The following DENND5B variants were observed in gnomAD, a reference collection of about 807,000 sequenced individuals.
DENND5B encodes the protein DENN domain containing 5B.
DENND5B carries 34 observed loss-of-function variants against 140.6 expected under a neutral mutation model. That is an observed-to-expected ratio of 0.24 (90% confidence interval 0.18 to 0.32). The LOEUF (loss-of-function observed/expected upper bound fraction) is 0.32. DENND5B is among the 10% of genes least tolerant of loss of function. DENND5B has a pLI of 1.00. For missense variants in DENND5B, 1,142 were observed against 1,560.2 expected (o/e 0.73, Z 4.52); for synonymous variants, 551 against 562.1 (o/e 0.98, Z 0.28).
At position 31,389,391 on chromosome 12, in the gene DENND5B, T is replaced by G; in HGVS notation, c.3574A>C (p.Ile1192Leu). 6.2e-7 allele frequency: 1 copy of G among 1,613,582 alleles called. No homozygotes were observed. Among genetic ancestry groups the G allele is most frequent in the Non-Finnish European group, 8.5e-7 (1 of 1,179,758 alleles). ...CKTFCHYVNAINTAPRNIGKD... is the reference protein window; with the variant it reads ...CKTFCHYVNALNTAPRNIGKD... ...CCAATGTTCCTGGGTGCAGTATTAA[T>G]AGCATTTACGTAGTGGCAGAAGGTT... is the stretch of plus-strand genomic sequence containing the variant. The change falls in exon 20 of 21, where the codon ATT (isoleucine) becomes CTT (leucine). Residue 1192 changes from isoleucine (I) to leucine (L), a missense_variant. By Grantham distance (5) the Ile-to-Leu change is conservative. Transcript: ENST00000389082.
chr12:31,582,130 G>T (rs1160775864), intron 1 of DENND5B, among the ~76,000 whole-genome samples: 1 of 152,186 alleles, frequency 6.6e-6, no homozygotes, highest in African/African-American at 2.4e-5. Context: ...CACATGGAGG[G>T]CTGACTATAC....
At chr12:31,424,764 G>T in intron 9 of DENND5B, 77 bp from the exon 10 acceptor site, 2 of 1,545,884 alleles carry the variant, frequency 1.3e-6, no homozygotes, top group Admixed American at 3.9e-5. Context: ...TAAAGTAGGA[G>T]ACTTGGTTTC....
At chr12:31,563,016 A>C (rs1278716351) in intron 1 of DENND5B, among the ~76,000 whole-genome samples, 2 of 151,788 alleles carry the variant, frequency 1.3e-5, no homozygotes, top group Non-Finnish European at 2.9e-5. Context: ...AACTGCACCT[A>C]GCTTGGTGAG....
chr12:31,389,432 T>G lies in DENND5B; in HGVS notation c.3533A>C (p.Gln1178Pro). The change falls in exon 20 of 21, where the codon CAG becomes CCG. Residue 1178 changes from glutamine to proline, a missense_variant. Coordinates refer to ENST00000389082, the MANE Select transcript of DENND5B (RefSeq NM_144973.4). ...GCAGAAGGTTTTGCAGGATGATTTC[T>G]GAATAAGGACATCATCTTCATTATC... ...ILDNEDDVLIQKSSCKTFCHY... is the reference protein window; with the variant it reads ...ILDNEDDVLIPKSSCKTFCHY... The G allele has an allele frequency of 1.9e-6, 3 of 1,609,072 alleles. No homozygotes were observed. Among genetic ancestry groups the G allele is most frequent in the Non-Finnish European group, 2.5e-6 (3 of 1,177,506 alleles).
chr12:31,573,181 A>G (rs903337927), intron 1 of DENND5B, among the ~76,000 whole-genome samples: 3 of 152,234 alleles, frequency 2.0e-5, no homozygotes, highest in Admixed American at 2.0e-4. Context: ...TAGTTCAGAG[A>G]TATTAAAAAA....
At position 31,552,199 on chromosome 12, in the gene DENND5B, G is replaced by GT. The variant is rs774982783; in HGVS notation, c.127+38506dup. On this transcript the variant is annotated intron_variant, in intron 1 of 20. Coordinates refer to ENST00000389082, the MANE Select transcript of DENND5B (RefSeq NM_144973.4). ...CCATTCAGTATGATATTGGCTGTGGGTTGTCATAGATAGCTCTTATTATTT... is the reference window on the plus strand; with the variant it reads ...CCATTCAGTATGATATTGGCTGTGGGTTTGTCATAGATAGCTCTTATTATTT... 3.2e-3 allele frequency among the ~76,000 whole-genome samples: 491 copies of GT among 152,208 alleles called. 5 individuals are homozygous for GT. The highest frequency in any genetic ancestry group is 0.011 in the African/African-American group (459 of 41,538).
At chr12:31,539,187 A>G (rs948279300) in intron 1 of DENND5B, among the ~76,000 whole-genome samples, 3 of 152,172 alleles carry the variant, frequency 2.0e-5, no homozygotes, top group Non-Finnish European at 2.9e-5. Flanking sequence ...TGAACCATGA[A>G]GAAATCCAAA....
At chr12:31,474,882 ATTAC>A (rs2138468310) in intron 3 of DENND5B, among the ~76,000 whole-genome samples, 1 of 152,358 alleles carries the variant, frequency 6.6e-6, no homozygotes, top group East Asian at 1.9e-4. Context: ...ATACTCTACA[ATTAC>A]TTCGCATGAC....
chr12:31,443,440 A>G, intron 6 of DENND5B, among the ~76,000 whole-genome samples: 1 of 151,944 alleles, frequency 6.6e-6, no homozygotes, highest in East Asian at 1.9e-4. Context: ...AGTTAACTTT[A>G]AGTAAATATT....
intron 14 of DENND5B, among the ~76,000 whole-genome samples, chr12:31,408,376 C>T (rs1368803840): frequency 1.3e-5 from 2 of 149,534 alleles, no homozygotes; most frequent in East Asian, 4.0e-4. Flanking sequence ...CCTGTAATCC[C>T]AGCACTTTGG....
chr12:31,589,983 C>G, intron 1 of DENND5B: 1 of 152,248 alleles, frequency 6.6e-6, no homozygotes, highest in Non-Finnish European at 1.5e-5. Context: ...AAACCAGGCA[C>G]TAACACACGG....
intron 1 of DENND5B, among the ~76,000 whole-genome samples, chr12:31,498,909 G>A (rs1946889980): frequency 6.9e-6 from 1 of 145,354 alleles, no homozygotes; most frequent in Admixed American, 7.3e-5. Flanking sequence ...GGAGGTGGGG[G>A]TTGCAGTGAG....
At chr12:31,529,914 TTTTTA>T (rs1302990430) in intron 1 of DENND5B, among the ~76,000 whole-genome samples, 5 of 152,154 alleles carry the variant, frequency 3.3e-5, no homozygotes, top group Non-Finnish European at 5.9e-5. Context: ...CAACTGCACT[TTTTTA>T]TTTTATTACT....
rs756944936 is a variant in DENND5B, at chr12:31,388,558, G to C, written c.3641+766C>G. On this transcript the variant is annotated intron_variant, in intron 20 of 20. Transcript: ENST00000389082. Reference sequence around the variant, plus strand: ...GCTAAGTTCCTAAGACATCCTTATTGAGCATCCCCAATCAGGCCATCTTCA... The same window carrying C: ...GCTAAGTTCCTAAGACATCCTTATTCAGCATCCCCAATCAGGCCATCTTCA... Among the ~76,000 whole-genome samples, 187 of 152,068 alleles carry C rather than the reference G, an allele frequency of 1.2e-3. 1 individual carries two copies. The highest frequency in any genetic ancestry group is 1.9e-3 in the Non-Finnish European group (132 of 67,998).
chr12:31,405,030 G>T (rs989670236), intron 14 of DENND5B, among the ~76,000 whole-genome samples: 4 of 152,024 alleles, frequency 2.6e-5, no homozygotes, highest in Non-Finnish European at 4.4e-5. Context: ...AAAGTGCTGG[G>T]ATTACAGGCA....
Position 31,392,603 on chromosome 12 carries a change from C to T in DENND5B, c.3339+11G>A, listed in dbSNP as rs993303326. On this transcript the variant is annotated intron_variant, in intron 18 of 20. Transcript: ENST00000389082. ...AGTCCCACTATACTAAGTTTTATAG[C>T]CCATAAATACCTCTTTTTCAGGTTT... 1 of 1,553,070 alleles carries T rather than the reference C, an allele frequency of 6.4e-7. No homozygotes were observed. The highest frequency in any genetic ancestry group is 8.7e-7 in the Non-Finnish European group (1 of 1,147,662).
intron 1 of DENND5B, among the ~76,000 whole-genome samples, chr12:31,526,079 A>ACAG (rs1948074498): frequency 6.6e-6 from 1 of 152,188 alleles, no homozygotes; most frequent in African/African-American, 2.4e-5. Flanking sequence ...CACCCAGTTA[A>ACAG]CATTAATAAT....
intron 4 of DENND5B, among the ~76,000 whole-genome samples, chr12:31,455,075 G>A (rs926591434): frequency 5.4e-5 from 8 of 148,986 alleles, no homozygotes; most frequent in African/African-American, 1.2e-4. Flanking sequence ...CCACCTTGGC[G>A]TCCCAAAGTG....
chr12:31,465,172 GGGGTC>G (rs2138322767), intron 3 of DENND5B: 2 of 152,442 alleles, frequency 1.3e-5, no homozygotes, highest in Middle Eastern at 3.4e-3. Flanking sequence ...GGGCAACAGA[GGGGTC>G]TAGGTCTGGA....
Sources: allele counts gnomAD v4.1 joint callset (sites outside exome capture counted in the v4.1 genomes callset), GRCh38; gene constraint gnomAD v4.1.1; transcripts MANE v1.5; gene names NCBI Gene and HGNC (gene_info 2026-07-23, HGNC 2026-07-21).